Variants in SLC26A9 observed in about 807,000 individuals in gnomAD.
The protein encoded by SLC26A9 is anion transporter/exchanger protein 9.
A neutral mutation model predicts 87.1 loss-of-function variants in SLC26A9; 46 were observed. The observed-to-expected ratio is 0.53, with a 90% CI of 0.42 to 0.67. SLC26A9 has a LOEUF of 0.67. Ranked by LOEUF, SLC26A9 falls within the 30% of genes least tolerant of loss-of-function variation. SLC26A9 has a pLI of 0.00. For synonymous variants in SLC26A9, 437 were observed against 409.1 expected (o/e 1.07, Z -0.82); for missense variants, 927 against 1,018.3 (o/e 0.91, Z 1.22).
chr1:205,921,944 G>A, intron 16 of SLC26A9, 97 bp from the exon 17 acceptor site: 1 of 1,414,808 alleles, frequency 7.1e-7, no homozygotes, highest in Non-Finnish European at 9.5e-7. Flanking sequence ...TAGGTGTAGG[G>A]GAATAACTCG....
In SLC26A9 at chr1:205,927,460, C is replaced by T; in HGVS notation, c.1215+32G>A. The T allele has an allele frequency of 2.5e-6, 4 of 1,603,708 alleles. 1 individual carries two copies. In the South Asian group the frequency reaches 3.3e-5, roughly 13 times the overall value. On this transcript the variant is annotated intron_variant, in intron 10 of 20. Transcript: ENST00000367135. ...TTTTGGGGCAACTGTTCTCTTACCA[C>T]CTCCCCCCAACTCCCCTAGAACAAG...
chr1:205,935,917 T>C, intron 1 of SLC26A9, 79 bp from the exon 2 acceptor site: 1 of 1,468,656 alleles, frequency 6.8e-7, no homozygotes, highest in Non-Finnish European at 9.1e-7. Context: ...CTCTGGTCCT[T>C]GCAGTAGCAG....
intron 1 of SLC26A9, among the ~76,000 whole-genome samples, chr1:205,942,653 G>A (rs1233063985): frequency 6.6e-6 from 1 of 152,182 alleles, no homozygotes; most frequent in African/African-American, 2.4e-5. Context: ...TGGAGAGCTG[G>A]CTGCCCATCC....
At chr1:205,941,465 C>T (rs1659741315) in intron 1 of SLC26A9, among the ~76,000 whole-genome samples, 1 of 152,180 alleles carries the variant, frequency 6.6e-6, no homozygotes, top group Non-Finnish European at 1.5e-5. Flanking sequence ...GCCACTGCGC[C>T]CAGCCCCCCA....
intron 1 of SLC26A9, among the ~76,000 whole-genome samples, chr1:205,940,524 C>T (rs1443137032): frequency 1.3e-5 from 2 of 152,210 alleles, no homozygotes; most frequent in Non-Finnish European, 2.9e-5. Context: ...ATCATCATTA[C>T]TGCTATGACT....
At chr1:205,916,375 G>T (rs1374945016) in intron 20 of SLC26A9, among the ~76,000 whole-genome samples, 8 of 152,218 alleles carry the variant, frequency 5.3e-5, no homozygotes, top group Non-Finnish European at 1.2e-4. Context: ...GGGATTACAG[G>T]TGTGAACCAT....
chr1:205,921,772 CCGGGGT>C lies in SLC26A9; in HGVS notation c.1843_1848del (p.Thr615_Pro616del). ...ATATAGGACACGCTGGTGCCGTTAGCCGGGGTCTGGTTGTTGTTGGGGTCGGTGGGG... is the reference window on the plus strand; with the variant it reads ...ATATAGGACACGCTGGTGCCGTTAGCCTGGTTGTTGTTGGGGTCGGTGGGG... On this transcript the variant is annotated inframe_deletion, in exon 17 of 21. Transcript: ENST00000367135. 6.2e-7 allele frequency: 1 copy of C among 1,602,428 alleles called. No homozygotes were observed.
Position 205,929,298 on chromosome 1 carries a change from G to C in SLC26A9, c.776C>G (p.Ala259Gly). The C allele has an allele frequency of 9.3e-6, 15 of 1,614,250 alleles. No individual in the cohort carries two copies. The highest frequency in any genetic ancestry group is 1.3e-5 in the Non-Finnish European group (15 of 1,180,046). The change falls in exon 7 of 21, where the codon GCT becomes GGT. Residue 259 changes from alanine (A) to glycine (G), a missense_variant. Ala to Gly is a moderately conservative substitution (Grantham distance 60). Coordinates refer to ENST00000367135, the MANE Select transcript of SLC26A9 (RefSeq NM_052934.4). ...PHTNIASLIF[A>G]LISGAFLVLV... ...CACCAGGAAGGCACCGCTGATGAGA[G>C]CGAAGATGAGCGAGGCGATGTTGGT...
rs749666177 is a variant in SLC26A9 at position 205,926,529 on chromosome 1, A to G, written c.1389+6T>C. On this transcript the variant is annotated splice_donor_region_variant and intron_variant, in intron 12 of 20. Transcript: ENST00000367135. ...GGCCAGTACCCAGAGGCTGCCCGAT[A>G]CTTACACAGTCCAGCTTGCTCTTCC... is the stretch of plus-strand genomic sequence containing the variant. 5.0e-6 allele frequency: 8 copies of G among 1,613,586 alleles called. No individual in the cohort carries two copies. In the East Asian group the frequency reaches 1.8e-4, roughly 36 times the overall value.
chr1:205,929,498 C>T (rs542049585), intron 6 of SLC26A9, 142 bp from the exon 7 acceptor site: 54 of 1,318,048 alleles, frequency 4.1e-5, no homozygotes, highest in Non-Finnish European at 5.1e-5. Flanking sequence ...GATCAGGAAC[C>T]CTGTCCCGTC....
chr1:205,920,059 T>C (rs761524165), intron 18 of SLC26A9, 117 bp downstream of exon 18: 70 of 1,131,926 alleles, frequency 6.2e-5, no homozygotes, highest in Non-Finnish European at 8.9e-5. Flanking sequence ...CAGCAGCTTG[T>C]GGGGGATAGC....
At chr1:205,915,544 GTGT>G in intron 20 of SLC26A9, 140 bp from the exon 21 acceptor site, 2 of 1,170,024 alleles carry the variant, frequency 1.7e-6, no homozygotes, top group Non-Finnish European at 2.5e-6. Flanking sequence ...GTGTGTGTGT[GTGT>G]GCGAGAGTGT....
chr1:205,935,575 A>G (rs2102600136), intron 2 of SLC26A9, 121 bp downstream of exon 2: 1 of 1,451,928 alleles, frequency 6.9e-7, no homozygotes, highest in South Asian at 1.3e-5. Flanking sequence ...TCAGAACCTC[A>G]CTTCCCCAGG....
intron 2 of SLC26A9, among the ~76,000 whole-genome samples, chr1:205,934,508 T>C (rs1452324813): frequency 6.6e-6 from 1 of 152,196 alleles, no homozygotes; most frequent in Non-Finnish European, 1.5e-5. Flanking sequence ...CAAAGCAATC[T>C]GAAGCTTGAA....
chr1:205,932,898 T>C, intron 3 of SLC26A9, 47 bp downstream of exon 3: 4 of 1,610,656 alleles, frequency 2.5e-6, no homozygotes, highest in Non-Finnish European at 3.4e-6. Context: ...AGGAGAGGAA[T>C]GGTGAGGGGA....
Position 205,915,067 on chromosome 1 carries a change from G to T in SLC26A9, c.*290C>A, listed in dbSNP as rs1302717262. 1 of 1,613,956 alleles carries T rather than the reference G, an allele frequency of 6.2e-7. No individual in the cohort carries two copies. The highest frequency in any genetic ancestry group is 1.1e-5 in the South Asian group (1 of 90,970). On this transcript the variant is annotated 3_prime_UTR_variant, in exon 21 of 21. Coordinates refer to ENST00000367135, the MANE Select transcript of SLC26A9 (RefSeq NM_052934.4). Reference sequence around the variant, plus strand: ...TGCCAAGGACAGGGCAGAGGTGGGTGGGGTGGAGTGAGCAGGAGGCTTGTC... The same window carrying T: ...TGCCAAGGACAGGGCAGAGGTGGGTTGGGTGGAGTGAGCAGGAGGCTTGTC...
intron 9 of SLC26A9, 79 bp from the exon 10 acceptor site, chr1:205,927,684 G>T: frequency 6.9e-7 from 1 of 1,439,906 alleles, no homozygotes; most frequent in Non-Finnish European, 9.6e-7. Flanking sequence ...CATGCAAGCT[G>T]GACTGTGGGC....
rs1294138238 is a variant in SLC26A9, at chr1:205,915,373, G to A, written c.2360C>T (p.Thr787Ile). ...EMFGSMFHAE[T>I]LTAL ...GCTGAGCCCTCACAGGGCGGTCAGGGTCTCTGCGTGAAACATGCTCCCGAA... is the reference window on the plus strand; with the variant it reads ...GCTGAGCCCTCACAGGGCGGTCAGGATCTCTGCGTGAAACATGCTCCCGAA... Residue 787 changes from threonine (T) to isoleucine (I), a missense_variant, in exon 21 of 21, where the codon ACC (threonine) becomes ATC (isoleucine). Transcript: ENST00000367135. 4.3e-6 allele frequency: 7 copies of A among 1,614,036 alleles called. No homozygotes were observed. In the South Asian group the frequency reaches 5.5e-5, roughly 13 times the overall value.
chr1:205,941,958 A>G (rs1659762461), intron 1 of SLC26A9, among the ~76,000 whole-genome samples: 1 of 152,200 alleles, frequency 6.6e-6, no homozygotes, highest in Non-Finnish European at 1.5e-5. Context: ...AGAGGCATCC[A>G]GTGAAGATCA....
Sources: gnomAD v4.1 joint callset for allele counts (sites outside exome capture counted in the v4.1 genomes callset) on GRCh38, gnomAD v4.1.1 for gene constraint, MANE v1.5 for transcripts, NCBI Gene and HGNC (gene_info 2026-07-23, HGNC 2026-07-21) for gene names.